Variants in ANXA10 observed in about 807,000 individuals in gnomAD.
The protein encoded by ANXA10 is annexin 14.
ANXA10 carries 49 observed loss-of-function variants against 53.5 expected under a neutral mutation model. That is an observed-to-expected ratio of 0.92 (90% CI 0.73 to 1.16). The LOEUF is 1.16. Among genes scored for constraint, ANXA10 ranks in the 50% most tolerant of loss-of-function variants. The pLI, the probability that ANXA10 is intolerant of heterozygous loss-of-function variation, is 0.00. For synonymous variants in ANXA10, 131 were observed against 128.9 expected, an observed-to-expected ratio of 1.02 and a Z score of -0.11; for missense variants, 393 against 394.4, an observed-to-expected ratio of 1.00 and a Z score of 0.03.
intron 3 of ANXA10, among the ~76,000 whole-genome samples, chr4:168,154,138 T>C (rs566336896): frequency 6.6e-6 from 1 of 152,270 alleles, no homozygotes; most frequent in South Asian, 2.1e-4. Flanking sequence ...TATGTTGTGA[T>C]ACATGTGTAG....
intron 6 of ANXA10, among the ~76,000 whole-genome samples, chr4:168,170,659 T>A (rs1308005127): frequency 6.6e-6 from 1 of 152,152 alleles, no homozygotes; most frequent in African/African-American, 2.4e-5. Context: ...ATAGTAAAAT[T>A]TTCCTTTCAA....
intron 3 of ANXA10, among the ~76,000 whole-genome samples, chr4:168,156,795 G>T (rs1731692602): frequency 6.6e-6 from 1 of 151,940 alleles, no homozygotes; most frequent in Admixed American, 6.6e-5. Flanking sequence ...GAGCAACCAT[G>T]CCCGGCCCCT....
intron 2 of ANXA10, among the ~76,000 whole-genome samples, chr4:168,135,833 A>G (rs1197923335): frequency 2.6e-5 from 4 of 152,194 alleles, no homozygotes; most frequent in Non-Finnish European, 4.4e-5. Context: ...CTATTCAACA[A>G]GAAAGACACA....
intron 3 of ANXA10, among the ~76,000 whole-genome samples, chr4:168,156,183 T>TTATATATAATA (rs1553957748): frequency 4.4e-5 from 2 of 45,196 alleles, no homozygotes; most frequent in African/African-American, 2.0e-4. Context: ...ATATTATATA[T>TTATATATAATA]TATATATTAT....
At chr4:168,157,056 T>C (rs2149476292) in intron 3 of ANXA10, among the ~76,000 whole-genome samples, 1 of 152,158 alleles carries the variant, frequency 6.6e-6, no homozygotes, top group Non-Finnish European at 1.5e-5. Flanking sequence ...CTAAATTACC[T>C]GATAAATAAC....
intron 3 of ANXA10, among the ~76,000 whole-genome samples, chr4:168,161,620 G>A (rs565446381): frequency 5.9e-4 from 90 of 152,152 alleles, no homozygotes; most frequent in African/African-American, 2.0e-3. Context: ...GGAGTTTAAT[G>A]GGGATAGCAT....
At chr4:168,135,358 GA>G (rs1287358797) in intron 2 of ANXA10, among the ~76,000 whole-genome samples, 2 of 152,214 alleles carry the variant, frequency 1.3e-5, no homozygotes, top group East Asian at 3.9e-4. Flanking sequence ...CCATATCCCT[GA>G]GAAAGACAAT....
At chr4:168,157,670 C>G (rs1404814674) in intron 3 of ANXA10, among the ~76,000 whole-genome samples, 3 of 152,108 alleles carry the variant, frequency 2.0e-5, no homozygotes, top group Non-Finnish European at 4.4e-5. Context: ...TCTACTTGTC[C>G]TTATAGATGA....
intron 3 of ANXA10, among the ~76,000 whole-genome samples, chr4:168,161,368 G>A (rs1472330083): frequency 1.3e-5 from 2 of 152,134 alleles, no homozygotes; most frequent in Non-Finnish European, 2.9e-5. Context: ...TCAGATGGTT[G>A]TAGCTATGTG....
chr4:168,115,712 C>T (rs1730882927), intron 1 of ANXA10, among the ~76,000 whole-genome samples: 1 of 152,044 alleles, frequency 6.6e-6, no homozygotes, highest in African/African-American at 2.4e-5. Flanking sequence ...ATGGAAAGGG[C>T]ACTAACCGTG....
At chr4:168,156,088 A>T (rs1484389052) in intron 3 of ANXA10, among the ~76,000 whole-genome samples, 5 of 66,824 alleles carry the variant, frequency 7.5e-5, no homozygotes, top group East Asian at 1.2e-3. Context: ...ATTATATATA[A>T]TATTTATTAT....
At chr4:168,156,197 TAA>T (rs1491554170) in intron 3 of ANXA10, among the ~76,000 whole-genome samples, 339 of 12,534 alleles carry the variant, frequency 0.027, 3 homozygotes, top group Non-Finnish European at 0.041. Context: ...ATATTATATA[TAA>T]TATATATTAT....
At chr4:168,182,104 A>C (rs1732260284) in intron 10 of ANXA10, among the ~76,000 whole-genome samples, 1 of 152,180 alleles carries the variant, frequency 6.6e-6, no homozygotes, top group Admixed American at 6.6e-5. Context: ...GAAAATGTCA[A>C]AATATTACAA....
At chr4:168,126,151 G>T (rs1319329776) in intron 1 of ANXA10, among the ~76,000 whole-genome samples, 2 of 151,974 alleles carry the variant, frequency 1.3e-5, no homozygotes, top group African/African-American at 2.4e-5. Context: ...AAAGGGCATT[G>T]TTCGAAAGGT....
At chr4:168,168,430 CTTT>C in intron 6 of ANXA10, among the ~76,000 whole-genome samples, 1 of 151,818 alleles carries the variant, frequency 6.6e-6, no homozygotes. Flanking sequence ...TCTTCTTCTT[CTTT>C]TTTTTAACGG....
At chr4:168,139,653 A>ATTT in intron 3 of ANXA10, 73 bp downstream of exon 3, 1 of 1,081,740 alleles carries the variant, frequency 9.2e-7, no homozygotes, top group Non-Finnish European at 1.3e-6. Context: ...GATAATAGGT[A>ATTT]TTTTTTTTTT....
intron 1 of ANXA10, among the ~76,000 whole-genome samples, chr4:168,096,054 A>AG (rs1730535522): frequency 6.6e-6 from 1 of 152,168 alleles, no homozygotes; most frequent in Non-Finnish European, 1.5e-5. Context: ...ATTGGTTTTT[A>AG]GCAGTGGATT....
chr4:168,108,018 G>A (rs527801500), intron 1 of ANXA10, among the ~76,000 whole-genome samples: 8 of 152,214 alleles, frequency 5.3e-5, no homozygotes, highest in African/African-American at 1.9e-4. Context: ...CTTGTGTCAA[G>A]GTAAAAATCA....
intron 6 of ANXA10, among the ~76,000 whole-genome samples, chr4:168,173,282 C>A (rs996875052): frequency 6.6e-6 from 1 of 152,056 alleles, no homozygotes; most frequent in Non-Finnish European, 1.5e-5. Context: ...CAGTTGGTAG[C>A]CTCTGAGCAA....
Sources: gnomAD v4.1 joint callset for allele counts (sites outside exome capture counted in the v4.1 genomes callset) on GRCh38, gnomAD v4.1.1 for gene constraint, MANE v1.5 for transcripts, NCBI Gene and HGNC (gene_info 2026-07-23, HGNC 2026-07-21) for gene names.